Variants in REDIC1 observed in about 807,000 individuals in gnomAD.
REDIC1 encodes the protein regulator of DNA class I crossover intermediates 1.
the REDIC1 span, among the ~76,000 whole-genome samples, chr12:39,812,429 C>G: frequency 2.8e-5 from 4 of 145,062 alleles, no homozygotes; most frequent in African/African-American, 1.0e-4. Context: ...TTCCTGCCTT[C>G]CTTCCTTTTC....
At chr12:39,844,695 A>T in the REDIC1 span, among the ~76,000 whole-genome samples, 7 of 152,080 alleles carry the variant, frequency 4.6e-5, no homozygotes, top group African/African-American at 1.7e-4. Context: ...TGCTACTTCA[A>T]GTGGACTGAA....
At chr12:39,783,101 A>ATGAG in the REDIC1 span, among the ~76,000 whole-genome samples, 511 of 152,182 alleles carry the variant, frequency 3.4e-3, 6 homozygotes, top group African/African-American at 0.012. Flanking sequence ...AGTCCCACCT[A>ATGAG]TGAGTGAGAA....
At chr12:39,801,793 A>C in the REDIC1 span, among the ~76,000 whole-genome samples, 1 of 152,230 alleles carries the variant, frequency 6.6e-6, no homozygotes, top group Non-Finnish European at 1.5e-5. Flanking sequence ...GCAAAATCAG[A>C]TCAACTGGAA....
chr12:39,690,995 G>T, the REDIC1 span, among the ~76,000 whole-genome samples: 2 of 152,128 alleles, frequency 1.3e-5, no homozygotes, highest in Non-Finnish European at 2.9e-5. Flanking sequence ...AATGTGTCAT[G>T]ACTTGAAGAG....
the REDIC1 span, among the ~76,000 whole-genome samples, chr12:39,709,019 G>A: frequency 6.6e-6 from 1 of 151,772 alleles, no homozygotes; most frequent in Non-Finnish European, 1.5e-5. Context: ...CATTAGTTCA[G>A]TCTAGTTTTT....
At chr12:39,872,055 T>A in the REDIC1 span, 25 of 1,095,188 alleles carry the variant, frequency 2.3e-5, no homozygotes, top group Middle Eastern at 4.6e-4. Context: ...TTGAAAAAAA[T>A]ATAAGGAGAA....
the REDIC1 span, among the ~76,000 whole-genome samples, chr12:39,837,182 G>T: frequency 6.8e-6 from 1 of 146,928 alleles, no homozygotes; most frequent in East Asian, 2.0e-4. Flanking sequence ...CAGAAATAAT[G>T]CCACATACCT....
chr12:39,766,837 C>A, the REDIC1 span, among the ~76,000 whole-genome samples: 15 of 152,178 alleles, frequency 9.9e-5, no homozygotes, highest in East Asian at 5.8e-4. Context: ...GAGATTGCAG[C>A]AATTCAGTCA....
chr12:39,719,213 C>T, the REDIC1 span, among the ~76,000 whole-genome samples: 2 of 152,058 alleles, frequency 1.3e-5, no homozygotes, highest in Non-Finnish European at 2.9e-5. Flanking sequence ...TCTTTGTTAA[C>T]TAGTTCCATT....
At chr12:39,815,963 C>T in the REDIC1 span, among the ~76,000 whole-genome samples, 10 of 152,116 alleles carry the variant, frequency 6.6e-5, no homozygotes, top group African/African-American at 2.4e-4. Flanking sequence ...TCTGAGTATA[C>T]ATTTTGTTCA....
chr12:39,690,689 G>A, the REDIC1 span, among the ~76,000 whole-genome samples: 1 of 151,720 alleles, frequency 6.6e-6, no homozygotes, highest in Non-Finnish European at 1.5e-5. Flanking sequence ...CAAACAGATA[G>A]CAAAATACAT....
chr12:39,842,713 T>A, the REDIC1 span, among the ~76,000 whole-genome samples: 2 of 152,062 alleles, frequency 1.3e-5, no homozygotes, highest in Admixed American at 6.6e-5. Context: ...TCTACAAGCA[T>A]CACCACTATC....
chr12:39,707,257 G>A, the REDIC1 span, among the ~76,000 whole-genome samples: 5 of 151,792 alleles, frequency 3.3e-5, no homozygotes, highest in Non-Finnish European at 5.9e-5. Context: ...CATATGAAAG[G>A]ATGCTCAACA....
chr12:39,776,216 G>A, the REDIC1 span, among the ~76,000 whole-genome samples: 6 of 152,162 alleles, frequency 3.9e-5, no homozygotes, highest in South Asian at 2.1e-4. Flanking sequence ...TCCATTGTGC[G>A]GTTCCTTCAT....
the REDIC1 span, among the ~76,000 whole-genome samples, chr12:39,870,934 C>T: frequency 8.5e-5 from 13 of 152,132 alleles, no homozygotes; most frequent in South Asian, 4.1e-4. Context: ...TCAATGTTTT[C>T]GATACAATTT....
the REDIC1 span, among the ~76,000 whole-genome samples, chr12:39,762,059 T>G: frequency 6.6e-6 from 1 of 152,062 alleles, no homozygotes; most frequent in African/African-American, 2.4e-5. Context: ...GGAATTGCTA[T>G]TAAAATACAA....
chr12:39,665,880 A>G, the REDIC1 span, among the ~76,000 whole-genome samples: 24 of 152,140 alleles, frequency 1.6e-4, no homozygotes, highest in Non-Finnish European at 2.9e-4. Context: ...TTTGTCTGTT[A>G]TTGGTGTATA....
chr12:39,809,631 T>A, the REDIC1 span, among the ~76,000 whole-genome samples: 18 of 152,320 alleles, frequency 1.2e-4, no homozygotes, highest in East Asian at 2.3e-3. Flanking sequence ...GCATCAGGTA[T>A]ATCTCCTAAT....
chr12:39,640,555 T>C, the REDIC1 span, among the ~76,000 whole-genome samples: 1 of 151,942 alleles, frequency 6.6e-6, no homozygotes, highest in Non-Finnish European at 1.5e-5. Flanking sequence ...TTCAACTTCC[T>C]CTCTGTTCTC....
Sources: gnomAD v4.1 joint callset for allele counts (sites outside exome capture counted in the v4.1 genomes callset) on GRCh38, gnomAD v4.1.1 for gene constraint, MANE v1.5 for transcripts, NCBI Gene and HGNC (gene_info 2026-07-23, HGNC 2026-07-21) for gene names.